CNGB3: variants seen among roughly 807,000 people sequenced by gnomAD.
The protein encoded by CNGB3 is cyclic nucleotide-gated channel beta-3.
In CNGB3, 86 loss-of-function variants were observed where a neutral mutation model predicts 92.8. That is an observed-to-expected ratio of 0.93 (90% CI 0.78 to 1.11). CNGB3 has a LOEUF of 1.11. Among genes scored for constraint, CNGB3 ranks in the 50% least tolerant of loss-of-function variants. CNGB3 has a pLI of 0.00. For synonymous variants in CNGB3, 333 were observed against 332.7 expected (o/e 1.00, Z -0.01); for missense variants, 1,026 against 956.8 (o/e 1.07, Z -0.95).
chr8:86,660,350 A>G (rs1823612930), intron 6 of CNGB3: 4 of 396,100 alleles, frequency 1.0e-5, no homozygotes, highest in Non-Finnish European at 2.0e-5. Flanking sequence ...AACCACTGCT[A>G]AACACATCCA....
rs1337617164 is a variant in CNGB3, at chr8:86,575,479, C to T, written c.*325G>A. On this transcript the variant is annotated 3_prime_UTR_variant, in exon 18 of 18. Coordinates refer to ENST00000320005, the MANE Select transcript of CNGB3 (RefSeq NM_019098.5). Reference sequence around the variant, plus strand: ...GAGAAAAGGTTAGTGAATCACATCACAGCCAAGAGCAAGCTAATAAAACTG... The same window carrying T: ...GAGAAAAGGTTAGTGAATCACATCATAGCCAAGAGCAAGCTAATAAAACTG... The T allele has an allele frequency of 8.3e-6, 2 of 240,436 alleles. No homozygotes were observed. Among genetic ancestry groups the T allele is most frequent in the Non-Finnish European group, 1.6e-5 (2 of 125,810 alleles). The allele number at this position is 240,436 out of a possible 1,614,324, so 14.9% of individuals were successfully genotyped here. A position where few individuals can be genotyped will look rare whatever the true frequency, so the allele number is the denominator to read the frequency against.
At chr8:86,658,288 C>A in intron 6 of CNGB3, 1 of 514,706 alleles carries the variant, frequency 1.9e-6, no homozygotes, top group Non-Finnish European at 3.6e-6. Flanking sequence ...GCCACCATGG[C>A]CTCCCGACTC....
chr8:86,714,953 A>G (rs1824822635), intron 3 of CNGB3, among the ~76,000 whole-genome samples: 1 of 151,978 alleles, frequency 6.6e-6, no homozygotes, highest in Non-Finnish European at 1.5e-5. Context: ...TGGCCTGGAA[A>G]CCACACTCCC....
chr8:86,715,710 C>T (rs1390059796), intron 3 of CNGB3, among the ~76,000 whole-genome samples: 1 of 150,726 alleles, frequency 6.6e-6, no homozygotes, highest in Non-Finnish European at 1.5e-5. Context: ...AAGGAGACAC[C>T]AGAGGAAGGT....
chr8:86,708,786 G>A (rs1824697849), intron 3 of CNGB3, among the ~76,000 whole-genome samples: 1 of 151,958 alleles, frequency 6.6e-6, no homozygotes, highest in Admixed American at 6.6e-5. Flanking sequence ...GCCCAGGCTA[G>A]TCTCAAACTC....
rs185251936 is a variant in CNGB3 at position 86,582,782 on chromosome 8, C to T, written c.1782-3530G>A. Among the ~76,000 whole-genome samples the T allele has an allele frequency of 8.5e-5, 13 of 152,206 alleles. No homozygotes were observed. The East Asian group carries it at 2.5e-3, about 29-fold the overall frequency. On this transcript the variant is annotated intron_variant, in intron 15 of 17. Transcript: ENST00000320005. Reference sequence around the variant, plus strand: ...AAAGTCATTGTCAGAAAAACAAAAACAGAGGGAATCAATTGCCAGTGGCCT... The same window carrying T: ...AAAGTCATTGTCAGAAAAACAAAAATAGAGGGAATCAATTGCCAGTGGCCT...
At chr8:86,663,278 T>C (rs1321182268) in intron 6 of CNGB3, among the ~76,000 whole-genome samples, 1 of 152,244 alleles carries the variant, frequency 6.6e-6, no homozygotes. Context: ...GCTGTGCATG[T>C]GAGTGTCTCT....
intron 14 of CNGB3, among the ~76,000 whole-genome samples, chr8:86,608,047 C>T (rs182878169): frequency 1.2e-3 from 179 of 152,238 alleles, no homozygotes; most frequent in Non-Finnish European, 1.9e-3. Context: ...CGGCAAGCCA[C>T]CCAGGTGCCG....
At chr8:86,615,145 C>T (rs1822592663) in intron 13 of CNGB3, among the ~76,000 whole-genome samples, 1 of 152,064 alleles carries the variant, frequency 6.6e-6, no homozygotes, top group Non-Finnish European at 1.5e-5. Flanking sequence ...TACTATGCCA[C>T]AGATTTTGGT....
chr8:86,693,250 C>T (rs1328490830), intron 3 of CNGB3, among the ~76,000 whole-genome samples: 2 of 152,060 alleles, frequency 1.3e-5, no homozygotes, highest in African/African-American at 4.8e-5. Flanking sequence ...GTTCTTCTAG[C>T]TTCTTATATT....
At chr8:86,579,078 A>G (rs1353019291) in intron 16 of CNGB3, 28 bp downstream of exon 16, 1 of 1,613,812 alleles carries the variant, frequency 6.2e-7, no homozygotes, top group Non-Finnish European at 8.5e-7. Flanking sequence ...AACTCCATCC[A>G]TCTCTAATGG....
At chr8:86,580,501 A>G (rs1341529129) in intron 15 of CNGB3, among the ~76,000 whole-genome samples, 1 of 152,138 alleles carries the variant, frequency 6.6e-6, no homozygotes, top group Non-Finnish European at 1.5e-5. Flanking sequence ...CTCATCTCCT[A>G]CTATACTCCA....
intron 13 of CNGB3, among the ~76,000 whole-genome samples, chr8:86,618,678 T>A (rs1422767562): frequency 6.6e-6 from 1 of 152,196 alleles, no homozygotes; most frequent in African/African-American, 2.4e-5. Context: ...AAATATTTTT[T>A]AAAAGTCTAG....
intron 3 of CNGB3, among the ~76,000 whole-genome samples, chr8:86,705,208 C>A (rs1824630966): frequency 6.6e-6 from 1 of 152,140 alleles, no homozygotes; most frequent in African/African-American, 2.4e-5. Flanking sequence ...TGTTAGTGAA[C>A]AGGCAGCTTT....
rs36008065 is a variant in CNGB3, at chr8:86,668,178, GA to G, written c.494-11del. 0.014 allele frequency: 17,412 copies of G among 1,229,694 alleles called. 2 individuals are homozygous for G. Among genetic ancestry groups the G allele is most frequent in the Admixed American group, 0.015 (739 of 47,970 alleles). The allele number at this position is 1,229,694 out of a possible 1,614,324, so 76.2% of individuals were successfully genotyped here. A position where few individuals can be genotyped will look rare whatever the true frequency, so the allele number is the denominator to read the frequency against. ...ACAGCCGTGGGCTTTGCTTCATAGG[GA>G]AAAAAAAAAAGATGAAACATTTGAA... On this transcript the variant is annotated splice_polypyrimidine_tract_variant and intron_variant, in intron 4 of 17. Transcript: ENST00000320005.
chr8:86,609,762 G>A (rs771394257), intron 14 of CNGB3, among the ~76,000 whole-genome samples: 6 of 152,072 alleles, frequency 3.9e-5, no homozygotes, highest in East Asian at 1.9e-4. Context: ...ACTTGCTTCC[G>A]TTCCTTGGAT....
chr8:86,672,561 G>A (rs901608655), intron 3 of CNGB3, among the ~76,000 whole-genome samples: 8 of 152,100 alleles, frequency 5.3e-5, no homozygotes, highest in Non-Finnish European at 1.0e-4. Flanking sequence ...ATGAGCCCAT[G>A]TAGGCTCCAT....
At chr8:86,658,946 GA>G in intron 6 of CNGB3, 1 of 1,064,402 alleles carries the variant, frequency 9.4e-7, no homozygotes, top group Non-Finnish European at 1.4e-6. Flanking sequence ...CTCGGTTCAG[GA>G]GACTCAAGCC....
chr8:86,685,232 A>C (rs1824163763), intron 3 of CNGB3, among the ~76,000 whole-genome samples: 1 of 152,090 alleles, frequency 6.6e-6, no homozygotes, highest in Admixed American at 6.6e-5. Flanking sequence ...ACCTGAGGGC[A>C]GGCTGTTTGC....
Sources: allele counts gnomAD v4.1 joint callset (sites outside exome capture counted in the v4.1 genomes callset), GRCh38; gene constraint gnomAD v4.1.1; transcripts MANE v1.5; gene names NCBI Gene and HGNC (gene_info 2026-07-23, HGNC 2026-07-21).